Variants in FAM151B observed in about 807,000 individuals in gnomAD.
FAM151B encodes the protein protein FAM151B.
FAM151B carries 24 observed loss-of-function variants against 31.2 expected under a neutral mutation model. The ratio of observed to expected loss-of-function variants is 0.77; its 90% confidence interval spans 0.56 to 1.08. FAM151B has a LOEUF of 1.08. Ranked by LOEUF, FAM151B falls within the 50% of genes least tolerant of loss-of-function variation. The pLI, the probability that FAM151B is intolerant of heterozygous loss-of-function variation, is 0.00. For synonymous variants in FAM151B, 105 were observed against 111.4 expected (o/e 0.94, Z 0.36); for missense variants, 293 against 328.6 (o/e 0.89, Z 0.84).
At chr5:80,508,239 A>T (rs1227981289) in intron 2 of FAM151B, among the ~76,000 whole-genome samples, 1 of 152,174 alleles carries the variant, frequency 6.6e-6, no homozygotes, top group Non-Finnish European at 1.5e-5. Flanking sequence ...GAGCATTCAC[A>T]TACAGGTGTT....
chr5:80,510,298 C>G (rs1744133709), intron 2 of FAM151B, among the ~76,000 whole-genome samples: 1 of 152,180 alleles, frequency 6.6e-6, no homozygotes, highest in Admixed American at 6.5e-5. Flanking sequence ...CCTTAATGCT[C>G]TCTGTCAGAT....
At position 80,514,836 on chromosome 5, in the gene FAM151B, C is replaced by A. The variant is rs367842995; in HGVS notation, c.317+1067C>A. Among the ~76,000 whole-genome samples the A allele has an allele frequency of 7.2e-5, 11 of 152,182 alleles. No homozygotes were observed. In the South Asian group the frequency reaches 2.3e-3, roughly 32 times the overall value. ...ACCATTTGTTATGGGGCAAAATATACCAGTAAACCTTATTATACCGTTAGT... is the reference window on the plus strand; with the variant it reads ...ACCATTTGTTATGGGGCAAAATATAACAGTAAACCTTATTATACCGTTAGT... On this transcript the variant is annotated intron_variant, in intron 3 of 5. Transcript: ENST00000282226.
chr5:80,539,805 T>A (rs1745789420), intron 5 of FAM151B, among the ~76,000 whole-genome samples: 1 of 151,966 alleles, frequency 6.6e-6, no homozygotes, highest in East Asian at 1.9e-4. Flanking sequence ...TTTTTTTTTT[T>A]AAACTGTCTT....
intron 3 of FAM151B, chr5:80,518,696 A>G (rs976075547): frequency 3.3e-5 from 5 of 152,198 alleles, no homozygotes; most frequent in Admixed American, 3.3e-4. Flanking sequence ...GTTTTAGTAC[A>G]TAGTATCCTT....
At chr5:80,502,134 A>T (rs1225741061) in intron 2 of FAM151B, among the ~76,000 whole-genome samples, 1 of 152,034 alleles carries the variant, frequency 6.6e-6, no homozygotes, top group Non-Finnish European at 1.5e-5. Context: ...TGGAAAACAA[A>T]GGTGTAATCA....
At chr5:80,527,517 C>G (rs1442934440) in intron 5 of FAM151B, among the ~76,000 whole-genome samples, 1 of 152,148 alleles carries the variant, frequency 6.6e-6, no homozygotes, top group African/African-American at 2.4e-5. Context: ...TACACCTAGG[C>G]TATACAATGT....
intron 2 of FAM151B, among the ~76,000 whole-genome samples, chr5:80,511,345 A>G (rs548130831): frequency 1.4e-5 from 2 of 144,800 alleles, no homozygotes; most frequent in South Asian, 2.3e-4. Context: ...GTGGTGGTGC[A>G]TGCTTGTAGT....
chr5:80,515,161 A>C (rs1744371074), intron 3 of FAM151B, among the ~76,000 whole-genome samples: 1 of 151,984 alleles, frequency 6.6e-6, no homozygotes, highest in South Asian at 2.1e-4. Context: ...AACCTCTTGA[A>C]CCCAGGAGGT....
chr5:80,524,098 A>C (rs1744844233), intron 5 of FAM151B, among the ~76,000 whole-genome samples: 1 of 152,196 alleles, frequency 6.6e-6, no homozygotes, highest in East Asian at 1.9e-4. Flanking sequence ...TAAAATTTTC[A>C]GTTCTCATGG....
At chr5:80,520,008 A>G in intron 4 of FAM151B, 98 bp downstream of exon 4, 1 of 1,165,108 alleles carries the variant, frequency 8.6e-7, no homozygotes, top group Admixed American at 2.5e-5. Context: ...ATTCTACAAA[A>G]TCTAAGCCTG....
intron 5 of FAM151B, among the ~76,000 whole-genome samples, chr5:80,528,169 T>C (rs1745055672): frequency 6.6e-6 from 1 of 152,128 alleles, no homozygotes; most frequent in South Asian, 2.1e-4. Context: ...TAAGATAGTA[T>C]TTGCAAGCCT....
intron 5 of FAM151B, among the ~76,000 whole-genome samples, chr5:80,525,335 G>A (rs1052693361): frequency 7.2e-5 from 11 of 152,124 alleles, no homozygotes; most frequent in Admixed American, 1.3e-4. Context: ...CAATATTTCT[G>A]TGTCAGGGAA....
intron 1 of FAM151B, among the ~76,000 whole-genome samples, chr5:80,497,064 A>T (rs1743569318): frequency 2.0e-5 from 3 of 150,172 alleles, no homozygotes; most frequent in Admixed American, 1.3e-4. Flanking sequence ...GCCCACCTCG[A>T]CCTCCCAAAG....
chr5:80,494,988 A>G (rs1743476661), intron 1 of FAM151B: 1 of 152,184 alleles, frequency 6.6e-6, no homozygotes, highest in South Asian at 2.1e-4. Context: ...AGTGCTCATT[A>G]CTATACTGAA....
chr5:80,495,616 G>A (rs900155718), intron 1 of FAM151B, among the ~76,000 whole-genome samples: 2 of 152,076 alleles, frequency 1.3e-5, no homozygotes, highest in Non-Finnish European at 2.9e-5. Flanking sequence ...GGATCATGAG[G>A]TCAGGAGATT....
In FAM151B at chr5:80,519,790, A is replaced by G. The variant is rs1233856880; in HGVS notation, c.415A>G (p.Asn139Asp). Reference sequence around the variant, plus strand: ...TAATGCCGATATTCTTCCTGGTCCAAATGGAAATAGCAAAGTAATAGATGC... The same window carrying G: ...TAATGCCGATATTCTTCCTGGTCCAGATGGAAATAGCAAAGTAATAGATGC... Reference protein sequence around the residue: ...WINADILPGPNGNSKVIDAKP... With the variant: ...WINADILPGPDGNSKVIDAKP... The change falls in exon 4 of 6, where the codon AAT becomes GAT. Residue 139 changes from asparagine (N) to aspartate (D), a missense_variant. Transcript: ENST00000282226. 1 of 1,614,186 alleles carries G rather than the reference A, an allele frequency of 6.2e-7. No individual in the cohort carries two copies. Among genetic ancestry groups the G allele is most frequent in the South Asian group, 1.1e-5 (1 of 91,090 alleles).
At chr5:80,490,139 A>G (rs554788277) in intron 1 of FAM151B, among the ~76,000 whole-genome samples, 4 of 152,076 alleles carry the variant, frequency 2.6e-5, no homozygotes, top group Non-Finnish European at 4.4e-5. Context: ...TACGCCTGTA[A>G]TCTGAACACT....
intron 5 of FAM151B, among the ~76,000 whole-genome samples, chr5:80,533,466 A>T (rs1745340595): frequency 6.6e-6 from 1 of 151,894 alleles, no homozygotes. Context: ...AATAAAGATC[A>T]GGCCGAGCGA....
chr5:80,496,065 A>G (rs1039304726), intron 1 of FAM151B, among the ~76,000 whole-genome samples: 1 of 152,356 alleles, frequency 6.6e-6, no homozygotes, highest in Admixed American at 6.5e-5. Flanking sequence ...ACATACACTT[A>G]GTTGTTAAAA....
Sources: allele counts gnomAD v4.1 joint callset (sites outside exome capture counted in the v4.1 genomes callset), GRCh38; gene constraint gnomAD v4.1.1; transcripts MANE v1.5; gene names NCBI Gene and HGNC (gene_info 2026-07-23, HGNC 2026-07-21).